PRTG: variants seen among roughly 807,000 people sequenced by gnomAD.
PRTG encodes the protein immunoglobulin superfamily, DCC subclass, member 5.
Under a neutral mutation model 122.5 loss-of-function variants are expected in PRTG, and 67 were observed. The observed-to-expected ratio is 0.55, with a 90% CI of 0.45 to 0.67. The LOEUF (loss-of-function observed/expected upper bound fraction) is 0.67, where lower values mean the gene tolerates loss of function less well. Among genes scored for constraint, PRTG ranks in the 30% least tolerant of loss-of-function variants. The probability of loss-of-function intolerance (pLI) is 0.00; values close to 1 mark genes in which losing one functional copy is unlikely to be tolerated. For missense variants in PRTG, 1,435 were observed against 1,415.4 expected (o/e 1.01, Z -0.22); for synonymous variants, 554 against 501.1 (o/e 1.11, Z -1.41).
chr15:55,651,053 G>A (rs918945586), intron 11 of PRTG, among the ~76,000 whole-genome samples: 2 of 152,170 alleles, frequency 1.3e-5, no homozygotes, highest in Non-Finnish European at 1.5e-5. Context: ...GCAGAGGGTT[G>A]TCCTTCAGTT....
chr15:55,677,495 C>T (rs545691960), intron 8 of PRTG, among the ~76,000 whole-genome samples: 1 of 152,138 alleles, frequency 6.6e-6, no homozygotes, highest in African/African-American at 2.4e-5. Flanking sequence ...GAATTTATAC[C>T]TTGTCTGGAA....
intron 2 of PRTG, among the ~76,000 whole-genome samples, chr15:55,734,963 CTG>C (rs1289974789): frequency 6.6e-6 from 1 of 152,312 alleles, no homozygotes; most frequent in East Asian, 1.9e-4. Flanking sequence ...TTGCTCTGCT[CTG>C]TGCAGCATAC....
intron 2 of PRTG, among the ~76,000 whole-genome samples, chr15:55,689,133 C>T (rs2059586491): frequency 6.6e-6 from 1 of 152,190 alleles, no homozygotes; most frequent in South Asian, 2.1e-4. Context: ...CTTCAAAACA[C>T]TCCAGACAAA....
At chr15:55,623,855 T>C (rs890890363) in intron 18 of PRTG, among the ~76,000 whole-genome samples, 1 of 152,314 alleles carries the variant, frequency 6.6e-6, no homozygotes, top group South Asian at 2.1e-4. Context: ...AAACGAAGGA[T>C]CTTGAGGCAC....
intron 11 of PRTG, among the ~76,000 whole-genome samples, chr15:55,668,850 T>C (rs1297836972): frequency 1.3e-5 from 2 of 152,220 alleles, no homozygotes; most frequent in South Asian, 2.1e-4. Context: ...TTTGAGGTTT[T>C]AGAGTAAAAA....
chr15:55,668,433 T>C (rs1279495563), intron 11 of PRTG, among the ~76,000 whole-genome samples: 2 of 152,174 alleles, frequency 1.3e-5, no homozygotes, highest in Admixed American at 1.3e-4. Flanking sequence ...GGGGAACAAA[T>C]CATTTCAATC....
chr15:55,739,457 T>C (rs902825840), intron 2 of PRTG, among the ~76,000 whole-genome samples: 4 of 152,138 alleles, frequency 2.6e-5, no homozygotes, highest in African/African-American at 9.7e-5. Flanking sequence ...AAATGATCAA[T>C]TTGTAGGTAT....
chr15:55,633,475 G>T (rs1175203831), intron 15 of PRTG, among the ~76,000 whole-genome samples: 1 of 152,112 alleles, frequency 6.6e-6, no homozygotes, highest in African/African-American at 2.4e-5. Flanking sequence ...AGTATTATAT[G>T]CTCACCAGAA....
At chr15:55,681,800 CTG>C (rs1239339004) in intron 4 of PRTG, among the ~76,000 whole-genome samples, 13 of 152,126 alleles carry the variant, frequency 8.5e-5, no homozygotes, top group African/African-American at 3.1e-4. Flanking sequence ...AAACGGATGA[CTG>C]TTATTCTCTT....
chr15:55,692,111 T>C (rs937911036), intron 2 of PRTG, among the ~76,000 whole-genome samples: 1 of 152,160 alleles, frequency 6.6e-6, no homozygotes, highest in Non-Finnish European at 1.5e-5. Flanking sequence ...AGCTAAAATT[T>C]AGTAGTCAAA....
rs2059120962 is a variant in PRTG, at chr15:55,611,686, T to TGG, written c.*8324_*8325dup. On this transcript the variant is annotated 3_prime_UTR_variant, in exon 20 of 20. Coordinates refer to ENST00000389286, the MANE Select transcript of PRTG (RefSeq NM_173814.6). ...GTAGTATATAAACTACCCAGTGGGG[T>TGG]GGGGGCAAGTACTAAGCAATATTTA... is the stretch of plus-strand genomic sequence containing the variant. 6.6e-6 allele frequency: 1 copy of TGG among 151,500 alleles called. No individual in the cohort carries two copies. Among genetic ancestry groups the TGG allele is most frequent in the South Asian group, 2.1e-4 (1 of 4,816 alleles). 9.4% of individuals were successfully genotyped at this position (151,500 alleles called of 1,614,324 possible). A position where few individuals can be genotyped will look rare whatever the true frequency, so the allele number is the denominator to read the frequency against.
intron 4 of PRTG, 91 bp downstream of exon 4, chr15:55,682,273 A>C (rs2059542965): frequency 2.8e-6 from 3 of 1,076,780 alleles, no homozygotes; most frequent in Admixed American, 3.1e-5. Flanking sequence ...ATGAAATTCT[A>C]CTTTATGGCA....
rs368770087 is a variant in PRTG at position 55,701,936 on chromosome 15, A to T, written c.398-18005T>A. Among the ~76,000 whole-genome samples, 21 of 152,260 alleles carry T rather than the reference A, an allele frequency of 1.4e-4. No homozygotes were observed. In the South Asian group the frequency reaches 4.1e-3, roughly 30 times the overall value. On this transcript the variant is annotated intron_variant, in intron 2 of 19. Coordinates refer to ENST00000389286, the MANE Select transcript of PRTG (RefSeq NM_173814.6). ...GGCTGCTAGGAGTCAGGGGAGAGAG[A>T]GGGTTATGACTATATAGTACAGCCT... is the stretch of plus-strand genomic sequence containing the variant.
In PRTG at chr15:55,617,562, CAG is replaced by C. The variant is rs1164184333; in HGVS notation, c.*2448_*2449del. The C allele has an allele frequency of 6.6e-6, 1 of 151,666 alleles. No homozygotes were observed. Among genetic ancestry groups the C allele is most frequent in the Non-Finnish European group, 1.5e-5 (1 of 67,884 alleles). The allele number at this position is 151,666 out of a possible 1,614,324, so 9.4% of individuals were successfully genotyped here. The stretch of plus-strand genomic sequence containing the variant: ...TTTTCTACTGAAAATTCTTTGGTAA[CAG>C]AATTATTATGAAAAAGTCCGTATAA... On this transcript the variant is annotated 3_prime_UTR_variant, in exon 20 of 20. Coordinates refer to ENST00000389286, the MANE Select transcript of PRTG (RefSeq NM_173814.6).
At chr15:55,702,286 ACC>A (rs2029922337) in intron 2 of PRTG, among the ~76,000 whole-genome samples, 2 of 152,152 alleles carry the variant, frequency 1.3e-5, no homozygotes, top group Admixed American at 1.3e-4. Context: ...AGAACTAGAG[ACC>A]CCTTTAATAT....
At chr15:55,716,973 T>C (rs2030623422) in intron 2 of PRTG, among the ~76,000 whole-genome samples, 1 of 152,150 alleles carries the variant, frequency 6.6e-6, no homozygotes, top group African/African-American at 2.4e-5. Context: ...CATCATCAGG[T>C]ACAAAATGGA....
chr15:55,640,780 C>A (rs1054011501), intron 12 of PRTG, among the ~76,000 whole-genome samples: 1 of 151,464 alleles, frequency 6.6e-6, no homozygotes, highest in Admixed American at 6.6e-5. Flanking sequence ...GAGGCCAAGG[C>A]GGGTAGATCA....
intron 2 of PRTG, among the ~76,000 whole-genome samples, chr15:55,730,113 T>C (rs1319324398): frequency 6.6e-6 from 1 of 152,210 alleles, no homozygotes; most frequent in African/African-American, 2.4e-5. Context: ...GTTGTTACTT[T>C]TTTTTTGAGA....
chr15:55,672,137 C>G (rs2059475478), intron 11 of PRTG, among the ~76,000 whole-genome samples: 1 of 152,062 alleles, frequency 6.6e-6, no homozygotes, highest in African/African-American at 2.4e-5. Context: ...CTACATCCGC[C>G]ACACACTCAC....
Sources: gnomAD v4.1 joint callset for allele counts (sites outside exome capture counted in the v4.1 genomes callset) on GRCh38, gnomAD v4.1.1 for gene constraint, MANE v1.5 for transcripts, NCBI Gene and HGNC (gene_info 2026-07-23, HGNC 2026-07-21) for gene names.